ABCC12: variants seen among roughly 807,000 people sequenced by gnomAD.
ABCC12 encodes the protein ATP-binding cassette sub-family C member 12.
ABCC12 carries 142 observed loss-of-function variants against 151.1 expected under a neutral mutation model. The ratio of observed to expected loss-of-function variants is 0.94; its 90% CI spans 0.82 to 1.08. ABCC12 has a LOEUF of 1.08. Ranked by LOEUF, ABCC12 falls within the 50% of genes least tolerant of loss-of-function variation. The probability of loss-of-function intolerance (pLI) is 0.00; values close to 1 mark genes in which losing one functional copy is unlikely to be tolerated. For missense variants in ABCC12, 1,638 were observed against 1,691.1 expected (o/e 0.97, Z 0.55); for synonymous variants, 645 against 646.4 (o/e 1.00, Z 0.03).
intron 12 of ABCC12, among the ~76,000 whole-genome samples, chr16:48,122,249 C>T (rs972517659): frequency 2.0e-5 from 3 of 152,240 alleles, no homozygotes; most frequent in African/African-American, 7.2e-5. Flanking sequence ...CAGGGCACCA[C>T]CTGCACGGCT....
At chr16:48,089,207 G>C (rs1039339204) in intron 25 of ABCC12, among the ~76,000 whole-genome samples, 1 of 152,238 alleles carries the variant, frequency 6.6e-6, no homozygotes, top group Admixed American at 6.5e-5. Context: ...TTAGCGAATA[G>C]AGGGATGGAT....
intron 1 of ABCC12, among the ~76,000 whole-genome samples, chr16:48,155,352 C>A (rs188674826): frequency 1.7e-4 from 26 of 148,834 alleles, no homozygotes; most frequent in Non-Finnish European, 7.4e-5. Flanking sequence ...TCTACCCTCC[C>A]AGGAAAATAA....
intron 23 of ABCC12, 22 bp from the exon 24 acceptor site, chr16:48,096,924 G>A (rs763613929): frequency 2.4e-5 from 39 of 1,613,866 alleles, no homozygotes; most frequent in African/African-American, 2.1e-4. Flanking sequence ...GTCGTTTAGC[G>A]TCTTAAACCT....
rs1384427320 is a variant in ABCC12, at chr16:48,097,075, T to C, written c.3039-173A>G. The C allele has an allele frequency of 3.9e-5, 30 of 773,778 alleles. No homozygotes were observed. The East Asian group carries it at 7.8e-4, about 20-fold the overall frequency. The allele number at this position is 773,778 out of a possible 1,614,324, so 47.9% of individuals were successfully genotyped here. On this transcript the variant is annotated intron_variant, in intron 23 of 30. Coordinates refer to ENST00000311303, the MANE Select transcript of ABCC12 (RefSeq NM_001393797.1). ...GCAAACTCTTACAAAAATGAACATA[T>C]ATTCATGCTCTTAAAAATCTGCCAC...
chr16:48,113,893 G>A (rs1286063351), intron 15 of ABCC12, among the ~76,000 whole-genome samples: 1 of 152,150 alleles, frequency 6.6e-6, no homozygotes, highest in East Asian at 1.9e-4. Flanking sequence ...TCAGGGATGA[G>A]GCATCCCCCT....
chr16:48,092,955 C>G (rs1387232534), intron 24 of ABCC12, among the ~76,000 whole-genome samples: 1 of 152,192 alleles, frequency 6.6e-6, no homozygotes, highest in East Asian at 1.9e-4. Flanking sequence ...TGGGTGCAGA[C>G]CCTCTGAGAG....
chr16:48,096,691 G>A (rs1036483788), intron 24 of ABCC12, 55 bp downstream of exon 24: 2 of 1,580,238 alleles, frequency 1.3e-6, no homozygotes, highest in Non-Finnish European at 1.7e-6. Flanking sequence ...CACCCTCGCT[G>A]ATGTATTACA....
rs1189590527 is a variant in ABCC12 at position 48,111,501 on chromosome 16, G to A, written c.2216C>T (p.Ala739Val). 6.2e-7 allele frequency: 1 copy of A among 1,614,126 alleles called. No individual in the cohort carries two copies. The highest frequency in any genetic ancestry group is 8.5e-7 in the Non-Finnish European group (1 of 1,180,032). ...REEDAGIIVL[A>V]PGNEKDEGKE... ...TCCTTCATCTTTCTCATTTCCTGGAGCCAAAACTAGGGTGAGAAATAAAGA... is the reference window on the plus strand; with the variant it reads ...TCCTTCATCTTTCTCATTTCCTGGAACCAAAACTAGGGTGAGAAATAAAGA... Residue 739 changes from alanine to valine, a missense_variant, in exon 18 of 31, where the codon GCT becomes GTT. Physicochemically the swap from Ala to Val is moderately conservative, Grantham distance 64. Coordinates refer to ENST00000311303, the MANE Select transcript of ABCC12 (RefSeq NM_001393797.1).
At chr16:48,148,884 T>C (rs1965078412) in intron 2 of ABCC12, among the ~76,000 whole-genome samples, 1 of 152,008 alleles carries the variant, frequency 6.6e-6, no homozygotes, top group Admixed American at 6.6e-5. Context: ...CATACTTTTT[T>C]ATTTCCCCAA....
Position 48,096,649 on chromosome 16 carries a change from G to A in ABCC12, c.3195+97C>T, listed in dbSNP as rs760457854. 3.7e-4 allele frequency: 463 copies of A among 1,267,744 alleles called. 1 individual carries two copies. Among genetic ancestry groups the A allele is most frequent in the Non-Finnish European group, 4.3e-4 (380 of 888,210 alleles). The allele number at this position is 1,267,744 out of a possible 1,614,324, so 78.5% of individuals were successfully genotyped here. ...CTCCCTTTCTCATTTAAACCCATTC[G>A]AGTTGGGGTTTTTGTTGTGTCCATC... On this transcript the variant is annotated intron_variant, in intron 24 of 30. Transcript: ENST00000311303.
At chr16:48,104,480 C>T (rs1963418331) in intron 21 of ABCC12, 112 bp from the exon 22 acceptor site, 5 of 908,526 alleles carry the variant, frequency 5.5e-6, no homozygotes, top group Non-Finnish European at 8.6e-6. Context: ...TTCCAGGGCA[C>T]AACACAGTGT....
intron 23 of ABCC12, among the ~76,000 whole-genome samples, chr16:48,100,345 AAAG>A (rs1963259402): frequency 6.6e-6 from 1 of 152,230 alleles, no homozygotes; most frequent in Admixed American, 6.5e-5. Context: ...CATATTTTAA[AAAG>A]AAGAAAATGC....
chr16:48,148,262 G>A (rs1197402075), intron 2 of ABCC12, among the ~76,000 whole-genome samples: 1 of 149,946 alleles, frequency 6.7e-6, no homozygotes, highest in Admixed American at 6.7e-5. Context: ...AATTGAGACA[G>A]GATCTCACTC....
rs1413207079 is a variant in ABCC12, at chr16:48,105,270, G to A, written c.2542C>T (p.Gln848Ter). ...EVGAVLADIG[Q>*]HVYQWVYTAS... ...GTGTACACCCACTGGTACACATGCTGACCGATGTCTGCCAGCACCGCGCCG... is the reference window on the plus strand; with the variant it reads ...GTGTACACCCACTGGTACACATGCTAACCGATGTCTGCCAGCACCGCGCCG... Residue 848 changes from glutamine to a stop codon, truncating the protein, a stop_gained, in exon 21 of 31, where the codon CAG becomes TAG. Transcript: ENST00000311303. LOFTEE classifies it high-confidence loss of function. 4 of 1,613,920 alleles carry A rather than the reference G, an allele frequency of 2.5e-6. No homozygotes were observed. Among genetic ancestry groups the A allele is most frequent in the Non-Finnish European group, 3.4e-6 (4 of 1,180,048 alleles).
At chr16:48,152,963 A>G (rs900989748) in intron 2 of ABCC12, among the ~76,000 whole-genome samples, 5 of 152,250 alleles carry the variant, frequency 3.3e-5, no homozygotes, top group Non-Finnish European at 5.9e-5. Flanking sequence ...TTAATTTGCT[A>G]TAAAGAACAT....
intron 11 of ABCC12, 70 bp downstream of exon 11, chr16:48,128,389 C>T (rs1964308417): frequency 6.3e-7 from 1 of 1,576,466 alleles, no homozygotes; most frequent in African/African-American, 1.4e-5. Context: ...TGTATCAGAC[C>T]TGGAGAAGGC....
intron 3 of ABCC12, among the ~76,000 whole-genome samples, chr16:48,144,353 C>G (rs1964928020): frequency 6.6e-6 from 1 of 152,142 alleles, no homozygotes; most frequent in Non-Finnish European, 1.5e-5. Flanking sequence ...GGTAATAATA[C>G]TCAAAACCCA....
At chr16:48,116,347 T>C (rs929587021) in intron 14 of ABCC12, among the ~76,000 whole-genome samples, 9 of 152,098 alleles carry the variant, frequency 5.9e-5, no homozygotes, top group African/African-American at 2.2e-4. Flanking sequence ...GGTAGTTATG[T>C]ACATAATAGC....
intron 28 of ABCC12, chr16:48,086,494 A>G: frequency 2.4e-6 from 1 of 423,122 alleles, no homozygotes; most frequent in Non-Finnish European, 4.3e-6. Flanking sequence ...TACCAACCTC[A>G]GAGCATTGTA....
Sources: gnomAD v4.1 joint callset for allele counts (sites outside exome capture counted in the v4.1 genomes callset) on GRCh38, gnomAD v4.1.1 for gene constraint, MANE v1.5 for transcripts, NCBI Gene and HGNC (gene_info 2026-07-23, HGNC 2026-07-21) for gene names.